The following ARID4B variants were observed in gnomAD, a reference collection of about 807,000 sequenced individuals.
ARID4B encodes AT-rich interactive domain-containing protein 4B.
In ARID4B, 26 loss-of-function variants were observed where a neutral mutation model predicts 147.5. That is an observed-to-expected ratio of 0.18 (90% CI 0.13 to 0.24). The LOEUF is 0.24. Among genes scored for constraint, ARID4B ranks in the 10% least tolerant of loss-of-function variants. The pLI is 1.00. For synonymous variants in ARID4B, 512 were observed against 507.9 expected (o/e 1.01, Z -0.11); for missense variants, 1,179 against 1,511.5 (o/e 0.78, Z 3.65).
At chr1:235,186,247 G>A (rs766027433) in intron 19 of ARID4B, among the ~76,000 whole-genome samples, 12 of 151,996 alleles carry the variant, frequency 7.9e-5, no homozygotes, top group African/African-American at 1.7e-4. Flanking sequence ...GATTATAGGC[G>A]TGAGCCACCG....
At chr1:235,199,875 A>AT (rs2102975427) in intron 17 of ARID4B, among the ~76,000 whole-genome samples, 1 of 152,302 alleles carries the variant, frequency 6.6e-6, no homozygotes, top group East Asian at 1.9e-4. Context: ...TGGTCAGAAG[A>AT]TTAAATAACT....
At chr1:235,176,242 T>C (rs1346374243) in intron 21 of ARID4B, among the ~76,000 whole-genome samples, 2 of 151,948 alleles carry the variant, frequency 1.3e-5, no homozygotes, top group Non-Finnish European at 2.9e-5. Flanking sequence ...ACTATATCTC[T>C]GTATTATATG....
At chr1:235,270,939 A>G (rs1670943040) in intron 2 of ARID4B, among the ~76,000 whole-genome samples, 1 of 152,250 alleles carries the variant, frequency 6.6e-6, no homozygotes, top group Non-Finnish European at 1.5e-5. Context: ...GGTTTAATGT[A>G]TCTGGGCATG....
intron 2 of ARID4B, among the ~76,000 whole-genome samples, chr1:235,277,000 GAAAAA>G (rs751564359): frequency 3.0e-5 from 3 of 99,532 alleles, no homozygotes; most frequent in African/African-American, 1.1e-4. Flanking sequence ...CACCATCTCC[GAAAAA>G]AAAAAAAAAA....
intron 2 of ARID4B, among the ~76,000 whole-genome samples, chr1:235,307,698 G>T (rs1433036477): frequency 6.6e-6 from 1 of 152,190 alleles, no homozygotes; most frequent in Admixed American, 6.5e-5. Flanking sequence ...AGTCTCTTCA[G>T]GCTATATGGG....
intron 8 of ARID4B, among the ~76,000 whole-genome samples, chr1:235,236,862 A>ATATTTTT (rs1426582533): frequency 2.3e-4 from 4 of 17,490 alleles, no homozygotes; most frequent in Admixed American, 1.2e-3. Flanking sequence ...ATATATATAT[A>ATATTTTT]TTTTTTTTTT....
At chr1:235,259,321 G>A (rs1277951286) in intron 3 of ARID4B, among the ~76,000 whole-genome samples, 1 of 152,170 alleles carries the variant, frequency 6.6e-6, no homozygotes, top group Non-Finnish European at 1.5e-5. Context: ...TTGCTTTGTG[G>A]GCCAAAGCAT....
intron 17 of ARID4B, among the ~76,000 whole-genome samples, chr1:235,202,958 G>GC (rs1236589573): frequency 6.6e-6 from 1 of 152,100 alleles, no homozygotes; most frequent in Non-Finnish European, 1.5e-5. Flanking sequence ...AGTCTGCTAG[G>GC]CACTGGGTAC....
At chr1:235,174,024 A>ACATCATAT (rs1663666128) in intron 22 of ARID4B, among the ~76,000 whole-genome samples, 1 of 150,408 alleles carries the variant, frequency 6.6e-6, no homozygotes, top group African/African-American at 2.4e-5. Context: ...CAAATTACCG[A>ACATCATAT]CATCATATCA....
chr1:235,214,961 C>A (rs1287416175), intron 16 of ARID4B, among the ~76,000 whole-genome samples: 1 of 151,032 alleles, frequency 6.6e-6, no homozygotes, highest in Non-Finnish European at 1.5e-5. Context: ...CCTGCCTCAG[C>A]CTCCCAAGTA....
At chr1:235,302,476 T>C (rs990384971) in intron 2 of ARID4B, among the ~76,000 whole-genome samples, 4 of 152,288 alleles carry the variant, frequency 2.6e-5, no homozygotes, top group Middle Eastern at 6.8e-3. Flanking sequence ...CTCAATAATT[T>C]TGATATCATT....
chr1:235,304,164 G>A (rs991826631), intron 2 of ARID4B, among the ~76,000 whole-genome samples: 4 of 152,068 alleles, frequency 2.6e-5, no homozygotes, highest in Admixed American at 6.6e-5. Context: ...TGAGACCAGC[G>A]TGGCAACATG....
chr1:235,173,742 T>TAAA (rs755815257), intron 22 of ARID4B, among the ~76,000 whole-genome samples: 12 of 26,260 alleles, frequency 4.6e-4, no homozygotes, highest in African/African-American at 7.6e-4. Flanking sequence ...CGTCTCTATT[T>TAAA]AAAAAAAAAA....
intron 16 of ARID4B, among the ~76,000 whole-genome samples, chr1:235,217,336 G>C (rs1029513652): frequency 2.0e-4 from 31 of 152,046 alleles, no homozygotes; most frequent in Non-Finnish European, 1.5e-5. Context: ...CCAAGAAAGA[G>C]AGCCTCTGAA....
intron 5 of ARID4B, 93 bp downstream of exon 5, chr1:235,255,567 T>C (rs1421971394): frequency 3.9e-6 from 3 of 766,894 alleles, no homozygotes; most frequent in Admixed American, 3.0e-5. Context: ...TCTAGGGTAT[T>C]AAGAAGTGAA....
At chr1:235,174,134 G>A (rs1002406244) in intron 22 of ARID4B, among the ~76,000 whole-genome samples, 1 of 151,802 alleles carries the variant, frequency 6.6e-6, no homozygotes. Flanking sequence ...CCACCTGCCA[G>A]GTGCAAGCAA....
rs945462714 is a variant in ARID4B at position 235,279,318 on chromosome 1, T to C, written c.7-18566A>G. Among the ~76,000 whole-genome samples the C allele has an allele frequency of 1.3e-3, 193 of 152,260 alleles. 1 individual carries two copies. Among genetic ancestry groups the C allele is most frequent in the African/African-American group, 4.5e-3 (189 of 41,540 alleles). On this transcript the variant is annotated intron_variant, in intron 2 of 23. Coordinates refer to ENST00000264183, the MANE Select transcript of ARID4B (RefSeq NM_016374.6). ...CTAACAGAATCTCCATTTAGTTTCCTGAACCACGTAGTATGAGGTATTCTG... is the reference window on the plus strand; with the variant it reads ...CTAACAGAATCTCCATTTAGTTTCCCGAACCACGTAGTATGAGGTATTCTG...
At chr1:235,279,501 T>C (rs1671533900) in intron 2 of ARID4B, among the ~76,000 whole-genome samples, 2 of 152,188 alleles carry the variant, frequency 1.3e-5, no homozygotes, top group East Asian at 1.9e-4. Flanking sequence ...TATTTAAAAA[T>C]TGAGAGGACT....
intron 2 of ARID4B, among the ~76,000 whole-genome samples, chr1:235,287,501 T>C (rs1031358691): frequency 6.6e-6 from 1 of 152,212 alleles, no homozygotes; most frequent in South Asian, 2.1e-4. Flanking sequence ...GTGTTCATGA[T>C]GGTATATGAG....
Sources: allele counts gnomAD v4.1 joint callset (sites outside exome capture counted in the v4.1 genomes callset), GRCh38; gene constraint gnomAD v4.1.1; transcripts MANE v1.5; gene names NCBI Gene and HGNC (gene_info 2026-07-23, HGNC 2026-07-21).